The following PDE3A variants were observed in gnomAD, a reference collection of about 807,000 sequenced individuals.
PDE3A encodes the protein phosphodiesterase 3A, also known as cGMP-inhibited 3',5'-cyclic phosphodiesterase 3A.
In PDE3A, 43 loss-of-function variants were observed where a neutral mutation model predicts 98.3. The observed-to-expected ratio is 0.44, with a 90% CI of 0.34 to 0.56. The LOEUF (loss-of-function observed/expected upper bound fraction) is 0.56. Among genes scored for constraint, PDE3A ranks in the 20% least tolerant of loss-of-function variants. The pLI, the probability that PDE3A is intolerant of heterozygous loss-of-function variation, is 0.01. For missense variants in PDE3A, 1,427 were observed against 1,440.7 expected, an observed-to-expected ratio of 0.99 and a Z score of 0.15; for synonymous variants, 663 against 567.9, an observed-to-expected ratio of 1.17 and a Z score of -2.38.
At chr12:20,423,707 G>T (rs762406506) in intron 1 of PDE3A, among the ~76,000 whole-genome samples, 4 of 151,976 alleles carry the variant, frequency 2.6e-5, no homozygotes, top group Admixed American at 2.0e-4. Context: ...CGGTATTACC[G>T]TGCCTCCTCT....
intron 1 of PDE3A, among the ~76,000 whole-genome samples, chr12:20,431,727 C>T (rs750110878): frequency 6.6e-6 from 1 of 152,000 alleles, no homozygotes; most frequent in African/African-American, 2.4e-5. Flanking sequence ...GATTATACTT[C>T]AATTATTTGA....
chr12:20,386,144 T>TATATAAATATATATAAATATATATATAA (rs1237064551), intron 1 of PDE3A, among the ~76,000 whole-genome samples: 45 of 26,484 alleles, frequency 1.7e-3, no homozygotes, highest in African/African-American at 5.9e-3. Flanking sequence ...TATATATAAA[T>TATATAAATATATATAAATATATATATAA]ATATATATAA....
chr12:20,547,120 T>C (rs1194091882), intron 1 of PDE3A, among the ~76,000 whole-genome samples: 1 of 152,150 alleles, frequency 6.6e-6, no homozygotes, highest in African/African-American at 2.4e-5. Context: ...CCCAGGTTTG[T>C]GTGTCTGGCT....
chr12:20,582,357 T>G (rs1045806790), intron 2 of PDE3A, among the ~76,000 whole-genome samples: 2 of 151,960 alleles, frequency 1.3e-5, no homozygotes, highest in Non-Finnish European at 2.9e-5. Context: ...TGCCTGACTA[T>G]GTTTTTTGTA....
At chr12:20,658,255 G>A (rs1945086377) in intron 15 of PDE3A, among the ~76,000 whole-genome samples, 1 of 152,176 alleles carries the variant, frequency 6.6e-6, no homozygotes, top group African/African-American at 2.4e-5. Flanking sequence ...AAGGGGTCTT[G>A]GCCTGTGCCC....
At chr12:20,517,024 C>T (rs1444890967) in intron 1 of PDE3A, among the ~76,000 whole-genome samples, 1 of 152,204 alleles carries the variant, frequency 6.6e-6, no homozygotes, top group Non-Finnish European at 1.5e-5. Context: ...AAGATTTGCT[C>T]GTGTCTCACA....
chr12:20,658,594 G>A (rs1269730073), intron 15 of PDE3A, among the ~76,000 whole-genome samples: 1 of 152,176 alleles, frequency 6.6e-6, no homozygotes, highest in Non-Finnish European at 1.5e-5. Context: ...AAAAAGTGCT[G>A]GAGGATGTTA....
Position 20,668,091 on chromosome 12 carries a change from G to T in PDE3A, c.3185-11939G>T, listed in dbSNP as rs182744104. On this transcript the variant is annotated intron_variant, in intron 15 of 15. Coordinates refer to ENST00000359062, the MANE Select transcript of PDE3A (RefSeq NM_000921.5). ...CCAGTCAAAGAAAGGGGTGACAGATGGCACCTGGAAAATCAGGTCACTCCC... is the reference window on the plus strand; with the variant it reads ...CCAGTCAAAGAAAGGGGTGACAGATTGCACCTGGAAAATCAGGTCACTCCC... 2.2e-3 allele frequency among the ~76,000 whole-genome samples: 330 copies of T among 152,278 alleles called. 2 individuals carry two copies. Among genetic ancestry groups the T allele is most frequent in the African/African-American group, 7.5e-3 (311 of 41,554 alleles).
intron 6 of PDE3A, among the ~76,000 whole-genome samples, chr12:20,631,333 C>T (rs946620268): frequency 6.6e-6 from 1 of 152,178 alleles, no homozygotes; most frequent in African/African-American, 2.4e-5. Context: ...TCACAACACA[C>T]ATGGCTTTAT....
At chr12:20,674,645 A>G (rs2417860) in intron 15 of PDE3A, among the ~76,000 whole-genome samples, 95,598 of 151,932 alleles carry the variant, frequency 0.63, 30,383 homozygotes, top group East Asian at 0.79. Context: ...TTATTGGTCT[A>G]TTTAGGTTTT....
intron 1 of PDE3A, among the ~76,000 whole-genome samples, chr12:20,520,724 T>C (rs1762343393): frequency 6.6e-6 from 1 of 152,174 alleles, no homozygotes; most frequent in African/African-American, 2.4e-5. Flanking sequence ...CTTTGTATGC[T>C]CAGAAGCACC....
chr12:20,525,825 A>G (rs1202335293), intron 1 of PDE3A, among the ~76,000 whole-genome samples: 2 of 152,176 alleles, frequency 1.3e-5, no homozygotes, highest in African/African-American at 4.8e-5. Context: ...AAAAGTTGAC[A>G]AAATCAGAAA....
At chr12:20,678,502 A>C (rs1945693997) in intron 15 of PDE3A, among the ~76,000 whole-genome samples, 1 of 152,168 alleles carries the variant, frequency 6.6e-6, no homozygotes, top group Non-Finnish European at 1.5e-5. Context: ...AGAAGTTATA[A>C]AATTCCAATG....
At chr12:20,411,029 C>T (rs772871487) in intron 1 of PDE3A, among the ~76,000 whole-genome samples, 45 of 152,174 alleles carry the variant, frequency 3.0e-4, no homozygotes, top group Non-Finnish European at 5.7e-4. Context: ...TTCATAGCAG[C>T]ACCATTTACC....
chr12:20,455,120 ATC>A (rs1256186961), intron 1 of PDE3A, among the ~76,000 whole-genome samples: 4 of 152,188 alleles, frequency 2.6e-5, no homozygotes, highest in Admixed American at 2.0e-4. Context: ...CCTCACCAGC[ATC>A]TGTTACTTTT....
intron 1 of PDE3A, among the ~76,000 whole-genome samples, chr12:20,541,312 G>A (rs1461886683): frequency 6.6e-6 from 1 of 151,630 alleles, no homozygotes; most frequent in Non-Finnish European, 1.5e-5. Flanking sequence ...ATGTTGCCCA[G>A]GATTGTCTCA....
In PDE3A at chr12:20,564,056, A is replaced by G. The variant is rs111328834; in HGVS notation, c.1011+7346A>G. Among the ~76,000 whole-genome samples, 6 of 152,276 alleles carry G rather than the reference A, an allele frequency of 3.9e-5. 1 individual carries two copies. Among genetic ancestry groups the G allele is most frequent in the African/African-American group, 1.4e-4 (6 of 41,566 alleles). Reference sequence around the variant, plus strand: ...TAGGGATATTGCTGACAATGTCCACAGCACACACAGTGTCAAGAGGATGGG... The same window carrying G: ...TAGGGATATTGCTGACAATGTCCACGGCACACACAGTGTCAAGAGGATGGG... On this transcript the variant is annotated intron_variant, in intron 2 of 15. Transcript: ENST00000359062.
chr12:20,556,615 C>T, intron 1 of PDE3A, 45 bp from the exon 2 acceptor site: 1 of 1,195,958 alleles, frequency 8.4e-7, no homozygotes. Flanking sequence ...AAATGTTTGT[C>T]AGGTAAAATA....
chr12:20,389,830 T>A (rs1357857704), intron 1 of PDE3A, among the ~76,000 whole-genome samples: 1 of 152,050 alleles, frequency 6.6e-6, no homozygotes, highest in African/African-American at 2.4e-5. Flanking sequence ...TCTGTCTTCC[T>A]GTCTTTTCTG....
Sources: gnomAD v4.1 joint callset for allele counts (sites outside exome capture counted in the v4.1 genomes callset) on GRCh38, gnomAD v4.1.1 for gene constraint, MANE v1.5 for transcripts, NCBI Gene and HGNC (gene_info 2026-07-23, HGNC 2026-07-21) for gene names.